EDA: variants seen among roughly 807,000 people sequenced by gnomAD.
The protein encoded by EDA is ectodysplasin-A.
EDA carries 2 observed loss-of-function variants against 23.6 expected under a neutral mutation model. The ratio of observed to expected loss-of-function variants is 0.08; its 90% CI spans 0.03 to 0.27. The LOEUF (loss-of-function observed/expected upper bound fraction) is 0.27. Ranked by LOEUF, EDA falls within the 10% of genes least tolerant of loss-of-function variation. The pLI, the probability that EDA is intolerant of heterozygous loss-of-function variation, is 1.00. For synonymous variants in EDA, 131 were observed against 132.0 expected, an observed-to-expected ratio of 0.99 and a Z score of 0.05; for missense variants, 229 against 324.2, an observed-to-expected ratio of 0.71 and a Z score of 2.26.
At chrX:69,791,069 C>A (rs1000721250) in intron 1 of EDA, among the ~76,000 whole-genome samples, 21 of 111,365 alleles carry the variant, frequency 1.9e-4, no homozygotes, top group African/African-American at 6.5e-4. Context: ...ATGAAAAATT[C>A]AAACATATAC....
chrX:69,632,950 A>G (rs1932658117), intron 1 of EDA, among the ~76,000 whole-genome samples: 1 of 111,016 alleles, frequency 9.0e-6, no homozygotes, highest in African/African-American at 3.3e-5. Flanking sequence ...CTCACATCTC[A>G]TCTTTGGGGG....
chrX:69,650,174 A>G (rs1279833853), intron 1 of EDA, among the ~76,000 whole-genome samples: 3 of 111,960 alleles, frequency 2.7e-5, no homozygotes, highest in African/African-American at 9.7e-5. Context: ...CGTCTCTCAT[A>G]GGATACTAGG....
intron 3 of EDA, among the ~76,000 whole-genome samples, chrX:70,023,451 G>A (rs940712394): frequency 3.4e-5 from 2 of 58,172 alleles, no homozygotes; most frequent in Non-Finnish European, 6.5e-5. Flanking sequence ...ATTCTTCCTT[G>A]TTCTTCTCCC....
chrX:69,905,976 G>A (rs1030474528), intron 1 of EDA, among the ~76,000 whole-genome samples: 52 of 111,289 alleles, frequency 4.7e-4, no homozygotes, highest in African/African-American at 1.3e-3. Flanking sequence ...CCTAGTTCCC[G>A]TATTTGCTAC....
intron 1 of EDA, among the ~76,000 whole-genome samples, chrX:69,755,741 A>G (rs1250725000): frequency 8.9e-6 from 1 of 112,036 alleles, no homozygotes; most frequent in Admixed American, 9.4e-5. Context: ...AGCTTTGTTT[A>G]CCTACTCAAG....
At chrX:69,764,571 TTC>T (rs1477881456) in intron 1 of EDA, among the ~76,000 whole-genome samples, 1 of 110,951 alleles carries the variant, frequency 9.0e-6, no homozygotes, top group African/African-American at 3.3e-5. Flanking sequence ...CCTTCTGTCC[TTC>T]TGTATATTCC....
At chrX:70,029,242 G>A (rs1046484077) in intron 4 of EDA, among the ~76,000 whole-genome samples, 3 of 112,531 alleles carry the variant, frequency 2.7e-5, no homozygotes, top group Admixed American at 1.9e-4. Context: ...ATGGGTGCCC[G>A]GTGGGGCTTG....
chrX:69,706,870 AC>A (rs2011747770), intron 1 of EDA, among the ~76,000 whole-genome samples: 1 of 110,347 alleles, frequency 9.1e-6, no homozygotes, highest in Non-Finnish European at 1.9e-5. Flanking sequence ...GGCATGTCTG[AC>A]CCCCACTTCC....
At chrX:69,889,009 T>TATATATATATATATAC (rs2017881457) in intron 1 of EDA, among the ~76,000 whole-genome samples, 1 of 74,295 alleles carries the variant, frequency 1.3e-5, no homozygotes, top group Non-Finnish European at 2.6e-5. Context: ...TATATATATA[T>TATATATATATATATAC]ATATATATAT....
At chrX:69,932,328 T>C (rs1405941231) in intron 1 of EDA, among the ~76,000 whole-genome samples, 1 of 111,508 alleles carries the variant, frequency 9.0e-6, no homozygotes, top group Non-Finnish European at 1.9e-5. Flanking sequence ...AAAACTTAAA[T>C]ATGTACAATT....
chrX:69,622,639 C>T (rs968780987), intron 1 of EDA, among the ~76,000 whole-genome samples: 1 of 111,759 alleles, frequency 8.9e-6, no homozygotes, highest in African/African-American at 3.2e-5. Flanking sequence ...TAAGCCATTC[C>T]CAAATCTGTG....
intron 1 of EDA, among the ~76,000 whole-genome samples, chrX:69,835,435 T>G (rs1342169294): frequency 8.9e-6 from 1 of 111,906 alleles, no homozygotes; most frequent in Non-Finnish European, 1.9e-5. Context: ...TTCTCTAACC[T>G]TGTTTTCTCA....
In EDA at chrX:69,936,247, A is replaced by G. The variant is rs1250599194; in HGVS notation, c.397-20780A>G. 1.4e-4 allele frequency among the ~76,000 whole-genome samples: 15 copies of G among 111,024 alleles called. No individual in the cohort carries two copies. The Admixed American group carries it at 1.5e-3, about 11-fold the overall frequency. On this transcript the variant is annotated intron_variant, in intron 1 of 7. Transcript: ENST00000374552. ...CGAAATTAAAAAAACAAGGGTAAAC[A>G]GTGATGGAATAAAAATAAGCAGATC...
chrX:69,895,242 A>C (rs2017993701), intron 1 of EDA, among the ~76,000 whole-genome samples: 1 of 110,979 alleles, frequency 9.0e-6, no homozygotes, highest in Non-Finnish European at 1.9e-5. Flanking sequence ...TCAAACTTGC[A>C]TCGAAGGAAT....
chrX:69,906,735 G>A (rs1602524763), intron 1 of EDA, among the ~76,000 whole-genome samples: 1 of 111,421 alleles, frequency 9.0e-6, no homozygotes, highest in East Asian at 2.8e-4. Context: ...TGGCACGCGT[G>A]CACGCACACA....
intron 2 of EDA, among the ~76,000 whole-genome samples, chrX:70,013,761 A>C (rs1176519358): frequency 9.0e-6 from 1 of 111,455 alleles, no homozygotes; most frequent in Non-Finnish European, 1.9e-5. Context: ...CCCTTCTGCC[A>C]CTGCCACTGC....
At chrX:69,780,928 C>A (rs1010387004) in intron 1 of EDA, among the ~76,000 whole-genome samples, 9 of 111,676 alleles carry the variant, frequency 8.1e-5, no homozygotes, top group Admixed American at 4.8e-4. Context: ...CACCTGGCAA[C>A]CACTATTCTA....
chrX:69,759,606 G>A (rs2014235815), intron 1 of EDA, among the ~76,000 whole-genome samples: 1 of 111,703 alleles, frequency 9.0e-6, no homozygotes, highest in Non-Finnish European at 1.9e-5. Context: ...AAACAAAGGA[G>A]AAAATCCTTT....
intron 1 of EDA, among the ~76,000 whole-genome samples, chrX:69,739,655 C>G (rs988343892): frequency 9.0e-6 from 1 of 110,781 alleles, no homozygotes; most frequent in African/African-American, 3.3e-5. Flanking sequence ...TTTTTAATCA[C>G]TTTCACAGTG....
Sources: gnomAD v4.1 joint callset for allele counts (sites outside exome capture counted in the v4.1 genomes callset) on GRCh38, gnomAD v4.1.1 for gene constraint, MANE v1.5 for transcripts, NCBI Gene and HGNC (gene_info 2026-07-23, HGNC 2026-07-21) for gene names.